EVX2: variants seen among roughly 807,000 people sequenced by gnomAD.
EVX2 encodes the protein homeobox even-skipped homolog protein 2.
In EVX2, 10 loss-of-function variants were observed where a neutral mutation model predicts 19.2. The ratio of observed to expected loss-of-function variants is 0.52; its 90% CI spans 0.32 to 0.89. EVX2 has a LOEUF of 0.89. Ranked by LOEUF, EVX2 falls within the 40% of genes least tolerant of loss-of-function variation. EVX2 has a pLI of 0.03. For synonymous variants in EVX2, 354 were observed against 328.4 expected, an observed-to-expected ratio of 1.08 and a Z score of -0.84; for missense variants, 710 against 694.9, an observed-to-expected ratio of 1.02 and a Z score of -0.24.
chr2:176,082,213 C>G lies in EVX2; in HGVS notation c.664G>C (p.Ala222Pro). ...YVSRPRRCEL[A>P]AALNLPETTI... ...GTTTCGGGCAGGTTGAGTGCCGCGGCCAGCTCGCACCGGCGGGGCCGCGAC... is the reference window on the plus strand; with the variant it reads ...GTTTCGGGCAGGTTGAGTGCCGCGGGCAGCTCGCACCGGCGGGGCCGCGAC... Residue 222 changes from alanine (A) to proline (P), a missense_variant, in exon 2 of 3, where the codon GCC (alanine) becomes CCC (proline). Ala to Pro is a conservative substitution (Grantham distance 27). Coordinates refer to ENST00000308618, the MANE Select transcript of EVX2 (RefSeq NM_001080458.2). This position sits in a 1 kb window ranked among gnomAD's most constrained non-coding sequence, Gnocchi z 5.2. 6.2e-7 allele frequency: 1 copy of G among 1,600,534 alleles called. No homozygotes were observed. Among genetic ancestry groups the G allele is most frequent in the Non-Finnish European group, 8.5e-7 (1 of 1,176,216 alleles).
rs1352729581 is a variant in EVX2, at chr2:176,077,999, A to G, written c.*2108T>C. 1.3e-5 allele frequency: 2 copies of G among 152,168 alleles called. No individual in the cohort carries two copies. Among genetic ancestry groups the G allele is most frequent in the African/African-American group, 2.4e-5 (1 of 41,452 alleles). The allele number at this position is 152,168 out of a possible 1,614,324, so 9.4% of individuals were successfully genotyped here. Reference sequence around the variant, plus strand: ...CTATTTCATTGGAAAGTTCTCTAATATTTTATGGTAATATTTTAATAGACC... The same window carrying G: ...CTATTTCATTGGAAAGTTCTCTAATGTTTTATGGTAATATTTTAATAGACC... On this transcript the variant is annotated 3_prime_UTR_variant, in exon 3 of 3. Transcript: ENST00000308618.
chr2:176,080,131 C>G lies in EVX2; in HGVS notation c.1407G>C (p.Arg469Ser). The G allele has an allele frequency of 6.5e-7, 1 of 1,549,628 alleles. No homozygotes were observed. Among genetic ancestry groups the G allele is most frequent in the Non-Finnish European group, 8.7e-7 (1 of 1,152,238 alleles). The change falls in exon 3 of 3, where the codon AGG becomes AGC. Residue 469 changes from arginine (R) to serine (S), a missense_variant. Coordinates refer to ENST00000308618, the MANE Select transcript of EVX2 (RefSeq NM_001080458.2). This position sits in a 1 kb window ranked among gnomAD's most constrained non-coding sequence, Gnocchi z 7.0. ...SKTAVSPPDQ[R>S]DEAPLTR ...GTTATCTGGTGAGCGGAGCCTCGTC[C>G]CTCTGGTCCGGCGGGCTCACGGCCG...
rs1559102418 is a variant in EVX2 at position 176,080,284 on chromosome 2, G to GCCGCCACCACCACCACCA, written c.1253_1254insTGGTGGTGGTGGTGGCGG (p.Gly423_Gly428dup). On this transcript the variant is annotated inframe_insertion, in exon 3 of 3. Coordinates refer to ENST00000308618, the MANE Select transcript of EVX2 (RefSeq NM_001080458.2). This position sits in a 1 kb window ranked among gnomAD's most constrained non-coding sequence, Gnocchi z 7.0. Reference sequence around the variant, plus strand: ...CGCCGCCGCCGCCACCACCACCACCGCCGCCGCCACCGCCACCCCGGGAAC... The same window carrying GCCGCCACCACCACCACCA: ...CGCCGCCGCCGCCACCACCACCACCGCCGCCACCACCACCACCACCGCCGCCACCGCCACCCCGGGAAC... 204 of 1,278,918 alleles carry GCCGCCACCACCACCACCA rather than the reference G, an allele frequency of 1.6e-4. 3 individuals carry two copies. The highest frequency in any genetic ancestry group is 3.2e-4 in the African/African-American group (20 of 63,466). 79.2% of individuals were successfully genotyped at this position (1,278,918 alleles called of 1,614,324 possible).
At position 176,082,092 on chromosome 2, in the gene EVX2, C is replaced by T; in HGVS notation, c.699+86G>A. 7.2e-7 allele frequency: 1 copy of T among 1,398,084 alleles called. No homozygotes were observed. Among genetic ancestry groups the T allele is most frequent in the South Asian group, 1.5e-5 (1 of 66,914 alleles). 86.6% of individuals were successfully genotyped at this position (1,398,084 alleles called of 1,614,324 possible). Reference sequence around the variant, plus strand: ...TTCCAGACCCTTAGCTAAATCTAGCCACCCAGAAAGGGGAAAGGGGAAAAA... The same window carrying T: ...TTCCAGACCCTTAGCTAAATCTAGCTACCCAGAAAGGGGAAAGGGGAAAAA... On this transcript the variant is annotated intron_variant, in intron 2 of 2. Coordinates refer to ENST00000308618, the MANE Select transcript of EVX2 (RefSeq NM_001080458.2). This position sits in a 1 kb window ranked among gnomAD's most constrained non-coding sequence, Gnocchi z 5.2.
chr2:176,082,267 C>T lies in EVX2; in HGVS notation c.610G>A (p.Glu204Lys), dbSNP rs1459574881. Residue 204 changes from glutamate (E) to lysine (K), a missense_variant, in exon 2 of 3, where the codon GAG becomes AAG. Coordinates refer to ENST00000308618, the MANE Select transcript of EVX2 (RefSeq NM_001080458.2). The surrounding 1 kb of genome is among the most constrained non-coding windows in gnomAD (Gnocchi z 5.2). ...AFTREQIARL[E>K]KEFYRENYVS... The stretch of plus-strand genomic sequence containing the variant: ...TAGTTCTCCCGGTAGAACTCCTTCT[C>T]CAGGCGCGCGATCTGCTCGCGGGTG... 1 of 1,603,096 alleles carries T rather than the reference C, an allele frequency of 6.2e-7. No homozygotes were observed. Among genetic ancestry groups the T allele is most frequent in the Admixed American group, 1.7e-5 (1 of 59,850 alleles).
Position 176,081,750 on chromosome 2 carries a change from C to CAGT in EVX2, c.699+425_699+427dup, listed in dbSNP as rs1408540375. Among the ~76,000 whole-genome samples the CAGT allele has an allele frequency of 6.6e-6, 1 of 152,180 alleles. No homozygotes were observed. The highest frequency in any genetic ancestry group is 2.4e-5 in the African/African-American group (1 of 41,432). The stretch of plus-strand genomic sequence containing the variant: ...CTCAAACCAATCGATTTTAAAGATA[C>CAGT]AGTATCCTTTTCTCCGTGTAACGAT... On this transcript the variant is annotated intron_variant, in intron 2 of 2. Transcript: ENST00000308618. The surrounding 1 kb of genome is among the most constrained non-coding windows in gnomAD (Gnocchi z 5.9).
chr2:176,080,431 C>T lies in EVX2; in HGVS notation c.1107G>A (p.Ala369=). ...AAAAAAAAAA[A]ASSAAAAGAP... is the part of the protein sequence containing the mutation. The stretch of plus-strand genomic sequence containing the variant: ...CGCCGGCCGCCGCCGCCGAGGAGGC[C>T]GCAGCCGCTGCGGCTGCCGCGGCTG... The change falls in exon 3 of 3, where the codon GCG becomes GCA. Residue 369 remains alanine, a synonymous_variant. Coordinates refer to ENST00000308618, the MANE Select transcript of EVX2 (RefSeq NM_001080458.2). The surrounding 1 kb of genome is among the most constrained non-coding windows in gnomAD (Gnocchi z 7.0). The T allele has an allele frequency of 2.7e-6, 3 of 1,112,964 alleles. No homozygotes were observed. Among genetic ancestry groups the T allele is most frequent in the Non-Finnish European group, 2.2e-6 (2 of 913,626 alleles). 68.9% of individuals were successfully genotyped at this position (1,112,964 alleles called of 1,614,324 possible). A position where few individuals can be genotyped will look rare whatever the true frequency, so the allele number is the denominator to read the frequency against.
chr2:176,083,408 G>C lies in EVX2; in HGVS notation c.369C>G (p.Ser123=), dbSNP rs1218568531. ...DMSSDVEVGC[S]ALRSPGGLGA... is the part of the protein sequence containing the mutation. ...CGAGGCCCCCGGGGGAGCGAAGCGC[G>C]GAGCAGCCCACCTCCACGTCGCTGC... The change falls in exon 1 of 3, where the codon TCC becomes TCG. Residue 123 remains serine (S), a synonymous_variant. Transcript: ENST00000308618. The surrounding 1 kb of genome is among the most constrained non-coding windows in gnomAD (Gnocchi z 4.4). 3.1e-6 allele frequency: 5 copies of C among 1,613,182 alleles called. No homozygotes were observed. Among genetic ancestry groups the C allele is most frequent in the East Asian group, 2.2e-5 (1 of 44,842 alleles).
chr2:176,080,191 G>A lies in EVX2; in HGVS notation c.1347C>T (p.Gly449=), dbSNP rs1689112942. The A allele has an allele frequency of 2.0e-6, 3 of 1,487,674 alleles. No homozygotes were observed. The East Asian group carries it at 8.6e-5, about 43-fold the overall frequency. The allele number at this position is 1,487,674 out of a possible 1,614,324, so 92.2% of individuals were successfully genotyped here. Reference sequence around the variant, plus strand: ...GCACCGCGGCCGAGTAGGGCAGGAAGCCGCTCTCGGAACGCGGCGCCGCCG... The same window carrying A: ...GCACCGCGGCCGAGTAGGGCAGGAAACCGCTCTCGGAACGCGGCGCCGCCG... The part of the protein sequence containing the change: ...CSAAAPRSES[G]FLPYSAAVLS... Residue 449 remains glycine (G), a synonymous_variant, in exon 3 of 3, where the codon GGC becomes GGT. Transcript: ENST00000308618. The surrounding 1 kb of genome is among the most constrained non-coding windows in gnomAD (Gnocchi z 7.0).
rs372922973 is a variant in EVX2 at position 176,083,448 on chromosome 2, G to T, written c.329C>A (p.Ala110Asp). ...KKPGHYSEAA[A>D]EADMSSDVEV... is the part of the protein sequence containing the mutation. ...CACGTCGCTGCTCATGTCGGCCTCA[G>T]CGGCCGCCTCTGAATAATGGCCCGG... Residue 110 changes from alanine (A) to aspartate (D), a missense_variant, in exon 1 of 3, where the codon GCT becomes GAT. By Grantham distance (126) the Ala-to-Asp change is moderately radical (BLOSUM62 -2). Transcript: ENST00000308618. This position sits in a 1 kb window ranked among gnomAD's most constrained non-coding sequence, Gnocchi z 4.4. 1.9e-6 allele frequency: 3 copies of T among 1,614,074 alleles called. No individual in the cohort carries two copies. In the South Asian group the frequency reaches 3.3e-5, roughly 18 times the overall value.
Position 176,083,595 on chromosome 2 carries a change from G to A in EVX2, c.182C>T (p.Ala61Val). Residue 61 changes from alanine to valine, a missense_variant, in exon 1 of 3, where the codon GCT becomes GTT. Transcript: ENST00000308618. The surrounding 1 kb of genome is among the most constrained non-coding windows in gnomAD (Gnocchi z 4.4). ...GCCCTTGGCGGGGAGTTCTCCCAGA[G>A]CGCTGTGCAGGGGGGCAGACGGCAG... ...PRLPSAPLHSALGELPAKGKF... is the reference protein window; with the variant it reads ...PRLPSAPLHSVLGELPAKGKF... 2 of 1,614,206 alleles carry A rather than the reference G, an allele frequency of 1.2e-6. No individual in the cohort carries two copies. Among genetic ancestry groups the A allele is most frequent in the South Asian group, 1.1e-5 (1 of 91,086 alleles).
At position 176,077,577 on chromosome 2, in the gene EVX2, T is replaced by G. The variant is rs1412396991; in HGVS notation, c.*2530A>C. ...TGTAAAATATCTTACAGTGAGTTCA[T>G]ACATCCAGCAATATTTAAAGCACGA... On this transcript the variant is annotated 3_prime_UTR_variant, in exon 3 of 3. Coordinates refer to ENST00000308618, the MANE Select transcript of EVX2 (RefSeq NM_001080458.2). 1 of 152,208 alleles carries G rather than the reference T, an allele frequency of 6.6e-6. No homozygotes were observed. Among genetic ancestry groups the G allele is most frequent in the South Asian group, 2.1e-4 (1 of 4,832 alleles). 9.4% of individuals were successfully genotyped at this position (152,208 alleles called of 1,614,324 possible). A position where few individuals can be genotyped will look rare whatever the true frequency, so the allele number is the denominator to read the frequency against.
rs554057171 is a variant in EVX2 at position 176,081,061 on chromosome 2, C to T, written c.700-223G>A. Among the ~76,000 whole-genome samples, 11 of 152,192 alleles carry T rather than the reference C, an allele frequency of 7.2e-5. No homozygotes were observed. Among genetic ancestry groups the T allele is most frequent in the Non-Finnish European group, 1.3e-4 (9 of 68,036 alleles). On this transcript the variant is annotated intron_variant, in intron 2 of 2. Coordinates refer to ENST00000308618, the MANE Select transcript of EVX2 (RefSeq NM_001080458.2). This position sits in a 1 kb window ranked among gnomAD's most constrained non-coding sequence, Gnocchi z 5.9. ...CCTCAACGAAGAGGGTCCTCTCCCC[C>T]GCGTCCGGCTGCTGCTGCTCCTCAG...
Position 176,080,485 on chromosome 2 carries a change from C to G in EVX2, c.1053G>C (p.Ala351=), listed in dbSNP as rs767565566. The change falls in exon 3 of 3, where the codon GCG becomes GCC. Residue 351 remains alanine (A), a synonymous_variant. Transcript: ENST00000308618. The surrounding 1 kb of genome is among the most constrained non-coding windows in gnomAD (Gnocchi z 7.0). ...CGGCAGAGGCCGCGCTGTTGAGCCC[C>G]GCGGCGGCCGCGGGAGCCTGGTAGA... ...PGLYQAPAAA[A]GLNSAASAAA... 6 of 1,336,076 alleles carry G rather than the reference C, an allele frequency of 4.5e-6. No homozygotes were observed. Among genetic ancestry groups the G allele is most frequent in the Non-Finnish European group, 5.7e-6 (6 of 1,048,880 alleles). The allele number at this position is 1,336,076 out of a possible 1,614,324, so 82.8% of individuals were successfully genotyped here. A position where few individuals can be genotyped will look rare whatever the true frequency, so the allele number is the denominator to read the frequency against.
chr2:176,080,176 C>G lies in EVX2; in HGVS notation c.1362G>C (p.Ser454=). ...PRSESGFLPY[S]AAVLSKTAVS... is the part of the protein sequence containing the mutation. ...CGGCCGTCTTACTAAGCACCGCGGC[C>G]GAGTAGGGCAGGAAGCCGCTCTCGG... Residue 454 remains serine (S), a synonymous_variant, in exon 3 of 3, where the codon TCG becomes TCC. Transcript: ENST00000308618. The surrounding 1 kb of genome is among the most constrained non-coding windows in gnomAD (Gnocchi z 7.0). 1 of 1,520,974 alleles carries G rather than the reference C, an allele frequency of 6.6e-7. No individual in the cohort carries two copies. Among genetic ancestry groups the G allele is most frequent in the Non-Finnish European group, 8.8e-7 (1 of 1,138,254 alleles). The allele number at this position is 1,520,974 out of a possible 1,614,324, so 94.2% of individuals were successfully genotyped here. A position where few individuals can be genotyped will look rare whatever the true frequency, so the allele number is the denominator to read the frequency against.
At position 176,083,426 on chromosome 2, in the gene EVX2, G is replaced by A. The variant is rs755516509; in HGVS notation, c.351C>T (p.Asp117=). 3.7e-6 allele frequency: 6 copies of A among 1,613,872 alleles called. No homozygotes were observed. The highest frequency in any genetic ancestry group is 5.1e-6 in the Non-Finnish European group (6 of 1,179,926). The change falls in exon 1 of 3, where the codon GAC becomes GAT. Residue 117 remains aspartate, a synonymous_variant. Coordinates refer to ENST00000308618, the MANE Select transcript of EVX2 (RefSeq NM_001080458.2). This position sits in a 1 kb window ranked among gnomAD's most constrained non-coding sequence, Gnocchi z 4.4. The part of the protein sequence containing the change: ...EAAAEADMSS[D]VEVGCSALRS... ...GAAGCGCGGAGCAGCCCACCTCCAC[G>A]TCGCTGCTCATGTCGGCCTCAGCGG...
In EVX2 at chr2:176,083,581, G is replaced by A. The variant is rs1037679297; in HGVS notation, c.196C>T (p.Pro66Ser). 6.2e-7 allele frequency: 1 copy of A among 1,614,100 alleles called. No homozygotes were observed. The highest frequency in any genetic ancestry group is 1.7e-5 in the Admixed American group (1 of 60,008). ...APLHSALGEL[P>S]AKGKFEIDTL... ...TCTATTTCGAATTTGCCCTTGGCGGGGAGTTCTCCCAGAGCGCTGTGCAGG... is the reference window on the plus strand; with the variant it reads ...TCTATTTCGAATTTGCCCTTGGCGGAGAGTTCTCCCAGAGCGCTGTGCAGG... The change falls in exon 1 of 3, where the codon CCC becomes TCC. Residue 66 changes from proline to serine, a missense_variant. Transcript: ENST00000308618. The surrounding 1 kb of genome is among the most constrained non-coding windows in gnomAD (Gnocchi z 4.4).
Position 176,079,827 on chromosome 2 carries a change from G to A in EVX2, c.*280C>T, listed in dbSNP as rs529962833. The A allele has an allele frequency of 1.6e-5, 5 of 305,472 alleles. No homozygotes were observed. Among genetic ancestry groups the A allele is most frequent in the Admixed American group, 5.3e-5 (1 of 19,016 alleles). The allele number at this position is 305,472 out of a possible 1,614,324, so 18.9% of individuals were successfully genotyped here. A position where few individuals can be genotyped will look rare whatever the true frequency, so the allele number is the denominator to read the frequency against. On this transcript the variant is annotated 3_prime_UTR_variant, in exon 3 of 3. Transcript: ENST00000308618. The surrounding 1 kb of genome is among the most constrained non-coding windows in gnomAD (Gnocchi z 4.4). ...TGGGAAACCAAGCGCTCAGGACAGA[G>A]GTGGAAAGTGGGTCCCGGGAGCCAG...
At position 176,080,876 on chromosome 2, in the gene EVX2, C is replaced by A; in HGVS notation, c.700-38G>T. The A allele has an allele frequency of 6.3e-7, 1 of 1,580,704 alleles. No homozygotes were observed. On this transcript the variant is annotated intron_variant, in intron 2 of 2. Coordinates refer to ENST00000308618, the MANE Select transcript of EVX2 (RefSeq NM_001080458.2). This position sits in a 1 kb window ranked among gnomAD's most constrained non-coding sequence, Gnocchi z 7.0. ...ACGCGCCGCAGCCTGGGTTAGGGAG[C>A]GCCCCGTGTTCCCAGCTCCTGTCCC...
Sources: gnomAD v4.1 joint callset for allele counts (sites outside exome capture counted in the v4.1 genomes callset) on GRCh38, gnomAD v4.1.1 for gene constraint, Gnocchi (gnomAD v3.1) non-coding constraint, MANE v1.5 for transcripts, NCBI Gene and HGNC (gene_info 2026-07-23, HGNC 2026-07-21) for gene names.